The following TOGARAM1 variants were observed in gnomAD, a reference collection of about 807,000 sequenced individuals.
TOGARAM1 encodes TOG array regulator of axonemal microtubules 1.
In TOGARAM1, 100 loss-of-function variants were observed where a neutral mutation model predicts 166.6. That is an observed-to-expected ratio of 0.60 (90% CI 0.51 to 0.71). The LOEUF is 0.71. Ranked by LOEUF, TOGARAM1 falls within the 30% of genes least tolerant of loss-of-function variation. The pLI is 0.00. For missense variants in TOGARAM1, 2,029 were observed against 2,102.7 expected (o/e 0.96, Z 0.69); for synonymous variants, 758 against 763.8 (o/e 0.99, Z 0.13).
chr14:44,970,119 T>C (rs910454534), intron 1 of TOGARAM1, among the ~76,000 whole-genome samples: 5 of 152,188 alleles, frequency 3.3e-5, no homozygotes, highest in Admixed American at 2.0e-4. Context: ...AATCTATAGA[T>C]CAAGTTGAGA....
chr14:45,051,220 T>C (rs1461343841), intron 14 of TOGARAM1, among the ~76,000 whole-genome samples: 1 of 152,186 alleles, frequency 6.6e-6, no homozygotes, highest in African/African-American at 2.4e-5. Flanking sequence ...TCAACTAACC[T>C]TGGGTGTATT....
At chr14:45,031,175 T>G (rs1277973336) in intron 10 of TOGARAM1, among the ~76,000 whole-genome samples, 1 of 152,210 alleles carries the variant, frequency 6.6e-6, no homozygotes, top group South Asian at 2.1e-4. Context: ...TGATAGTTTC[T>G]AGTGACTAAT....
At chr14:45,053,985 TCTC>T (rs1444555482) in intron 15 of TOGARAM1, among the ~76,000 whole-genome samples, 1 of 151,996 alleles carries the variant, frequency 6.6e-6, no homozygotes, top group Non-Finnish European at 1.5e-5. Flanking sequence ...TTCAAGGAAT[TCTC>T]CTGCCTCAGC....
intron 13 of TOGARAM1, among the ~76,000 whole-genome samples, chr14:45,045,375 A>G (rs1272726454): frequency 6.6e-6 from 1 of 150,762 alleles, no homozygotes; most frequent in African/African-American, 2.4e-5. Flanking sequence ...ATCACCCTGT[A>G]TGACTTTGCA....
rs113794576 is a variant in TOGARAM1 at position 45,011,785 on chromosome 14, A to ATGTGTGTGTG, written c.3138-172_3138-163dup. On this transcript the variant is annotated intron_variant, in intron 6 of 19. Coordinates refer to ENST00000361462, the MANE Select transcript of TOGARAM1 (RefSeq NM_001308120.2). ...GTGAACTAAGAATAGCAAAATATATATGTGTGTGTGTGTGTGTGTGTGTGT... is the reference window on the plus strand; with the variant it reads ...GTGAACTAAGAATAGCAAAATATATATGTGTGTGTGTGTGTGTGTGTGTGTGTGTGTGTGT... 1,338 of 414,668 alleles carry ATGTGTGTGTG rather than the reference A, an allele frequency of 3.2e-3. 6 individuals are homozygous for ATGTGTGTGTG. The highest frequency in any genetic ancestry group is 0.014 in the African/African-American group (645 of 47,262). 25.7% of individuals were successfully genotyped at this position (414,668 alleles called of 1,614,324 possible).
intron 1 of TOGARAM1, among the ~76,000 whole-genome samples, chr14:44,985,308 T>A (rs1886736343): frequency 6.6e-6 from 1 of 152,236 alleles, no homozygotes; most frequent in African/African-American, 2.4e-5. Flanking sequence ...CCATTGTGCC[T>A]GGCTTTCAGA....
At chr14:44,982,216 C>T (rs1255596520) in intron 1 of TOGARAM1, among the ~76,000 whole-genome samples, 2 of 152,024 alleles carry the variant, frequency 1.3e-5, no homozygotes, top group African/African-American at 2.4e-5. Context: ...TATATAATAT[C>T]GTGGTGTGTT....
intron 1 of TOGARAM1, among the ~76,000 whole-genome samples, chr14:44,992,253 A>G (rs1415756425): frequency 1.3e-5 from 2 of 152,140 alleles, no homozygotes; most frequent in African/African-American, 4.8e-5. Flanking sequence ...TACATAGGAA[A>G]ATAATTTGAA....
chr14:45,054,455 A>C lies in TOGARAM1; in HGVS notation c.4465A>C (p.Thr1489Pro), dbSNP rs1411578409. 1 of 1,611,726 alleles carries C rather than the reference A, an allele frequency of 6.2e-7. No homozygotes were observed. The highest frequency in any genetic ancestry group is 1.1e-5 in the South Asian group (1 of 90,844). The change falls in exon 16 of 20, where the codon ACT becomes CCT. Residue 1489 changes from threonine to proline, a missense_variant. By Grantham distance (38) the Thr-to-Pro change is conservative. Around this residue, in one of 2 missense-constraint regions of TOGARAM1, gnomAD observed 576 missense variants for 670.5 expected, o/e 0.86. Coordinates refer to ENST00000361462, the MANE Select transcript of TOGARAM1 (RefSeq NM_001308120.2). The part of the protein sequence containing the change: ...QKGLGEIPLD[T>P]PSAKGRRSHT... ...GGGTTTGGGGGAGATACCATTAGATACTCCTTCAGCAAAAGGAAGACGATC... is the reference window on the plus strand; with the variant it reads ...GGGTTTGGGGGAGATACCATTAGATCCTCCTTCAGCAAAAGGAAGACGATC...
intron 6 of TOGARAM1, among the ~76,000 whole-genome samples, chr14:45,010,864 A>T (rs138676567): frequency 1.3e-5 from 2 of 152,310 alleles, no homozygotes; most frequent in East Asian, 3.9e-4. Context: ...TTCTTCTTTC[A>T]TCCAAGTCAA....
At chr14:44,989,594 GA>G (rs1189582793) in intron 1 of TOGARAM1, among the ~76,000 whole-genome samples, 1 of 151,602 alleles carries the variant, frequency 6.6e-6, no homozygotes, top group African/African-American at 2.4e-5. Flanking sequence ...CTACTATAAA[GA>G]ATCAGCATTT....
At chr14:45,064,396 G>T (rs772198500) in intron 16 of TOGARAM1, among the ~76,000 whole-genome samples, 4 of 152,024 alleles carry the variant, frequency 2.6e-5, no homozygotes, top group Admixed American at 6.6e-5. Flanking sequence ...CTTCCAAAGT[G>T]CTGGGATTAT....
intron 1 of TOGARAM1, among the ~76,000 whole-genome samples, chr14:44,976,632 C>A (rs1314298404): frequency 7.4e-6 from 1 of 135,710 alleles, no homozygotes; most frequent in Non-Finnish European, 1.6e-5. Flanking sequence ...CAACCTTTAC[C>A]TTTAAAAAAA....
At chr14:45,071,250 A>G (rs112852660) in intron 18 of TOGARAM1, among the ~76,000 whole-genome samples, 2,292 of 145,170 alleles carry the variant, frequency 0.016, 68 homozygotes, top group African/African-American at 0.055. Context: ...AAACTATGTT[A>G]TCGTTTGAAA....
chr14:44,981,841 C>CTTTTTTTTTTTTT (rs56409455), intron 1 of TOGARAM1, among the ~76,000 whole-genome samples: 1 of 80,308 alleles, frequency 1.2e-5, no homozygotes, highest in Non-Finnish European at 2.6e-5. Context: ...TTTTCACTTA[C>CTTTTTTTTTTTTT]TTTTTTTTTT....
In TOGARAM1 at chr14:45,066,760, T is replaced by C. The variant is rs935250243; in HGVS notation, c.4742T>C (p.Ile1581Thr). The C allele has an allele frequency of 1.9e-6, 3 of 1,611,818 alleles. No homozygotes were observed. The highest frequency in any genetic ancestry group is 1.3e-5 in the African/African-American group (1 of 74,850). Residue 1581 changes from isoleucine to threonine, a missense_variant, in exon 17 of 20, where the codon ATT becomes ACT. Ile to Thr is a moderately conservative substitution (Grantham distance 89, BLOSUM62 -1). Coordinates refer to ENST00000361462, the MANE Select transcript of TOGARAM1 (RefSeq NM_001308120.2). ...AATCAAGACCTTGTTGTTGGAAACA[T>C]TGTGAAGGTAAGGACTTGTCAGAAT... Reference protein sequence around the residue: ...ENNQDLVVGNIVKIFDAFKSR... With the variant: ...ENNQDLVVGNTVKIFDAFKSR...
intron 13 of TOGARAM1, among the ~76,000 whole-genome samples, chr14:45,045,535 C>CTGTGTGTGTGTGTG (rs369196409): frequency 1.0e-4 from 3 of 29,132 alleles, no homozygotes; most frequent in African/African-American, 3.5e-4. Flanking sequence ...ATTCCATGGT[C>CTGTGTGTGTGTGTG]TGTGTGTGTA....
At chr14:45,012,309 G>T (rs940200658) in intron 7 of TOGARAM1, among the ~76,000 whole-genome samples, 1 of 152,050 alleles carries the variant, frequency 6.6e-6, no homozygotes, top group South Asian at 2.1e-4. Flanking sequence ...CATACCTATG[G>T]CTGGCTCCTA....
chr14:45,071,293 T>G (rs1336376253), intron 18 of TOGARAM1, among the ~76,000 whole-genome samples: 3 of 152,016 alleles, frequency 2.0e-5, no homozygotes, highest in Non-Finnish European at 4.4e-5. Context: ...CAGTTTTTTT[T>G]TTTTTTTTTT....
Sources: gnomAD v4.1 joint callset for allele counts (sites outside exome capture counted in the v4.1 genomes callset) on GRCh38, gnomAD v4.1.1 for gene constraint, gnomAD v4.1.1 regional missense constraint, MANE v1.5 for transcripts, NCBI Gene and HGNC (gene_info 2026-07-23, HGNC 2026-07-21) for gene names.